ANKS1A: variants seen among roughly 807,000 people sequenced by gnomAD.
ANKS1A encodes the protein ankyrin repeat and sterile alpha motif domain containing 1A.
Under a neutral mutation model 120.3 loss-of-function variants are expected in ANKS1A, and 55 were observed. The ratio of observed to expected loss-of-function variants is 0.46; its 90% CI spans 0.37 to 0.57. The LOEUF is 0.57. Ranked by LOEUF, ANKS1A falls within the 20% of genes least tolerant of loss-of-function variation. ANKS1A has a pLI of 0.00. For synonymous variants in ANKS1A, 590 were observed against 604.7 expected, an observed-to-expected ratio of 0.98 and a Z score of 0.36; for missense variants, 1,123 against 1,480.3, an observed-to-expected ratio of 0.76 and a Z score of 3.96.
At chr6:34,965,540 C>T (rs183439730) in intron 1 of ANKS1A, among the ~76,000 whole-genome samples, 18 of 151,940 alleles carry the variant, frequency 1.2e-4, no homozygotes, top group Admixed American at 2.0e-4. Flanking sequence ...TTAGTAGAGA[C>T]GAGTTTCCCT....
chr6:35,011,985 G>A (rs895589714), intron 10 of ANKS1A, among the ~76,000 whole-genome samples: 3 of 152,172 alleles, frequency 2.0e-5, no homozygotes, highest in Non-Finnish European at 2.9e-5. Flanking sequence ...TATTGGAGCT[G>A]AGACTTAAAC....
chr6:34,924,090 C>CGTGTGTGTGTGTGTGT (rs71794086), intron 1 of ANKS1A, among the ~76,000 whole-genome samples: 27 of 143,250 alleles, frequency 1.9e-4, no homozygotes, highest in East Asian at 6.2e-4. Flanking sequence ...GGGGCTTTTT[C>CGTGTGTGTGTGTGTGT]GTGTGTGTGT....
At chr6:34,962,801 AAAC>A (rs1770707849) in intron 1 of ANKS1A, among the ~76,000 whole-genome samples, 1 of 151,814 alleles carries the variant, frequency 6.6e-6, no homozygotes, top group Non-Finnish European at 1.5e-5. Flanking sequence ...AAACAAAACA[AAAC>A]AAAACAAACA....
At chr6:35,093,532 GC>G (rs1427821470), downstream of ANKS1A, among the ~76,000 whole-genome samples, 1 of 152,074 alleles carries the variant, frequency 6.6e-6, no homozygotes, top group Non-Finnish European at 1.5e-5. Context: ...TTTCTGCATA[GC>G]AAAATGCACC....
chr6:34,970,653 A>G (rs1011443700), intron 3 of ANKS1A, among the ~76,000 whole-genome samples: 1 of 152,164 alleles, frequency 6.6e-6, no homozygotes, highest in Non-Finnish European at 1.5e-5. Context: ...AATAATGCAA[A>G]CCCTGCAAAA....
rs573673588 is a variant in ANKS1A, at chr6:34,992,162, G to T, written c.1303-2140G>T. Among the ~76,000 whole-genome samples the T allele has an allele frequency of 1.1e-4, 16 of 152,300 alleles. No homozygotes were observed. In the South Asian group the frequency reaches 3.3e-3, roughly 32 times the overall value. ...AAGGGAATTGACTTTTATGCCCATG[G>T]CTCTGTTGTGAGCTTTCTGTATAAC... On this transcript the variant is annotated intron_variant, in intron 9 of 23. Transcript: ENST00000360359.
intron 13 of ANKS1A, among the ~76,000 whole-genome samples, chr6:35,068,635 C>T (rs557136749): frequency 1.3e-5 from 2 of 152,332 alleles, no homozygotes; most frequent in Non-Finnish European, 2.9e-5. Flanking sequence ...GGTCCCTTCC[C>T]ACAGTGCCCT....
chr6:35,060,875 T>C lies in ANKS1A; in HGVS notation c.2184+622T>C, dbSNP rs546929771. On this transcript the variant is annotated intron_variant, in intron 13 of 23. Coordinates refer to ENST00000360359, the MANE Select transcript of ANKS1A (RefSeq NM_015245.3). This position sits in a 1 kb window ranked among gnomAD's most constrained non-coding sequence, Gnocchi z 4.5. ...CAGAATAGGGACCCATTTAGGACCC[T>C]GGGCTCAGGATCTGGTGCACACTCT... Among the ~76,000 whole-genome samples, 3 of 152,318 alleles carry C rather than the reference T, an allele frequency of 2.0e-5. No individual in the cohort carries two copies. The highest frequency in any genetic ancestry group is 1.9e-4 in the East Asian group (1 of 5,178).
chr6:34,895,780 C>CTTTTTTTTTTTTTT lies in ANKS1A; in HGVS notation c.197+6193_197+6206dup, dbSNP rs995285475. Reference sequence around the variant, plus strand: ...AAAATAGTTTTTCAAGAATGTCTTTCTTTTTTTTTTTTTTTTTTTTTTTTT... The same window carrying CTTTTTTTTTTTTTT: ...AAAATAGTTTTTCAAGAATGTCTTTCTTTTTTTTTTTTTTTTTTTTTTTTTTTTTTTTTTTTTTT... On this transcript the variant is annotated intron_variant, in intron 1 of 23. Coordinates refer to ENST00000360359, the MANE Select transcript of ANKS1A (RefSeq NM_015245.3). 3.2e-4 allele frequency among the ~76,000 whole-genome samples: 29 copies of CTTTTTTTTTTTTTT among 90,384 alleles called. 1 individual carries two copies. Among genetic ancestry groups the CTTTTTTTTTTTTTT allele is most frequent in the African/African-American group, 1.1e-3 (24 of 21,930 alleles). The allele number at this position is 90,384 out of a possible 152,430, so 59.3% of individuals were successfully genotyped here. A position where few individuals can be genotyped will look rare whatever the true frequency, so the allele number is the denominator to read the frequency against.
chr6:34,941,118 G>C (rs1769508480), intron 1 of ANKS1A, among the ~76,000 whole-genome samples: 1 of 151,810 alleles, frequency 6.6e-6, no homozygotes, highest in Non-Finnish European at 1.5e-5. Flanking sequence ...CTCCTGAGTA[G>C]GTGGGATCAC....
chr6:34,889,921 C>T lies in ANKS1A; in HGVS notation c.197+322C>T, dbSNP rs1216005806. Among the ~76,000 whole-genome samples, 2 of 150,122 alleles carry T rather than the reference C, an allele frequency of 1.3e-5. No individual in the cohort carries two copies. Among genetic ancestry groups the T allele is most frequent in the Non-Finnish European group, 2.9e-5 (2 of 67,918 alleles). ...TGCCAGCTATCGTAGCTCACAAAAG[C>T]CAATTAAGAGCAAATATGTATATCT... On this transcript the variant is annotated intron_variant, in intron 1 of 23. Coordinates refer to ENST00000360359, the MANE Select transcript of ANKS1A (RefSeq NM_015245.3). This position sits in a 1 kb window ranked among gnomAD's most constrained non-coding sequence, Gnocchi z 5.5.
chr6:34,966,512 G>T (rs1770902473), intron 1 of ANKS1A, among the ~76,000 whole-genome samples: 1 of 152,194 alleles, frequency 6.6e-6, no homozygotes, highest in African/African-American at 2.4e-5. Context: ...TATTTTAGAA[G>T]CTCTAGCCAA....
intron 1 of ANKS1A, among the ~76,000 whole-genome samples, chr6:34,908,912 G>T (rs1467254669): frequency 6.6e-6 from 1 of 151,760 alleles, no homozygotes; most frequent in Non-Finnish European, 1.5e-5. Flanking sequence ...AAAAATTATT[G>T]TACCACTAGA....
At chr6:34,958,304 C>T (rs1339852771) in intron 1 of ANKS1A, among the ~76,000 whole-genome samples, 4 of 152,202 alleles carry the variant, frequency 2.6e-5, no homozygotes, top group African/African-American at 4.8e-5. Flanking sequence ...TGCACCCCAA[C>T]CTGCATTTGA....
chr6:34,923,260 C>T (rs1381166431), intron 1 of ANKS1A, among the ~76,000 whole-genome samples: 6 of 152,064 alleles, frequency 3.9e-5, no homozygotes, highest in African/African-American at 1.4e-4. Flanking sequence ...AGCGAAGCCA[C>T]GGGTGGGGAG....
At chr6:34,928,544 T>C (rs1768826403) in intron 1 of ANKS1A, among the ~76,000 whole-genome samples, 2 of 151,662 alleles carry the variant, frequency 1.3e-5, no homozygotes, top group South Asian at 4.2e-4. Flanking sequence ...TTTTTTTTTT[T>C]CTCTTTTTTG....
At chr6:34,955,139 CTTTTCT>C (rs200542303) in intron 1 of ANKS1A, among the ~76,000 whole-genome samples, 1,140 of 105,932 alleles carry the variant, frequency 0.011, 20 homozygotes, top group African/African-American at 0.063. Flanking sequence ...TTTTTCTTTT[CTTTTCT>C]TTTTTTTTTG....
In ANKS1A at chr6:35,044,623, G is replaced by T. The variant is rs550156928; in HGVS notation, c.2011-9476G>T. Among the ~76,000 whole-genome samples, 1 of 152,318 alleles carries T rather than the reference G, an allele frequency of 6.6e-6. No individual in the cohort carries two copies. The highest frequency in any genetic ancestry group is 1.9e-4 in the East Asian group (1 of 5,188). The stretch of plus-strand genomic sequence containing the variant: ...GTCACTCCCTCACATAAAACGTTTT[G>T]TCCTGAATGGAGAAGCTGCCTCCAG... On this transcript the variant is annotated intron_variant, in intron 11 of 23. Transcript: ENST00000360359. The surrounding 1 kb of genome is among the most constrained non-coding windows in gnomAD (Gnocchi z 4.4).
chr6:35,033,891 T>C (rs952932788), intron 11 of ANKS1A, among the ~76,000 whole-genome samples: 14 of 152,192 alleles, frequency 9.2e-5, no homozygotes, highest in African/African-American at 2.9e-4. Flanking sequence ...GATCGGGCCC[T>C]GTTCCTGGAA....
Sources: gnomAD v4.1 joint callset for allele counts (sites outside exome capture counted in the v4.1 genomes callset) on GRCh38, gnomAD v4.1.1 for gene constraint, Gnocchi (gnomAD v3.1) non-coding constraint, MANE v1.5 for transcripts, NCBI Gene and HGNC (gene_info 2026-07-23, HGNC 2026-07-21) for gene names.